Variants in CLVS1 observed in about 807,000 individuals in gnomAD.
The protein encoded by CLVS1 is clavesin 1.
In CLVS1, 10 loss-of-function variants were observed where a neutral mutation model predicts 33.1. The observed-to-expected ratio is 0.30, with a 90% CI of 0.19 to 0.51. The LOEUF (loss-of-function observed/expected upper bound fraction) is 0.51, where lower values mean the gene tolerates loss of function less well. CLVS1 is among the 20% of genes least tolerant of loss of function. The pLI is 0.97. For missense variants in CLVS1, 343 were observed against 433.4 expected (o/e 0.79, Z 1.85); for synonymous variants, 163 against 166.1 (o/e 0.98, Z 0.14).
intron 1 of CLVS1, among the ~76,000 whole-genome samples, chr8:61,114,051 C>T (rs532115333): frequency 2.6e-5 from 4 of 152,364 alleles, no homozygotes; most frequent in East Asian, 1.9e-4. Flanking sequence ...CTTGCAAAAG[C>T]AACCACAGAT....
intron 2 of CLVS1, among the ~76,000 whole-genome samples, chr8:61,207,977 T>C (rs1807890977): frequency 6.6e-6 from 1 of 152,222 alleles, no homozygotes; most frequent in African/African-American, 2.4e-5. Context: ...TACACCCTGA[T>C]TATTGCAGGT....
At chr8:61,292,138 TCAC>T in intron 1 of CLVS1, 6 of 288,324 alleles carry the variant, frequency 2.1e-5, no homozygotes, top group Non-Finnish European at 3.5e-5. Context: ...TTTAATATTC[TCAC>T]TTTTACGTCT....
upstream of CLVS1, among the ~76,000 whole-genome samples, chr8:61,284,091 T>C (rs551136788): frequency 1.3e-5 from 2 of 152,316 alleles, no homozygotes; most frequent in African/African-American, 4.8e-5. Flanking sequence ...CTGAAGGACA[T>C]TATGTTAAGT....
chr8:61,383,897 G>A (rs1012093821), intron 3 of CLVS1, among the ~76,000 whole-genome samples: 5 of 152,214 alleles, frequency 3.3e-5, no homozygotes, highest in African/African-American at 1.2e-4. Flanking sequence ...AACAGATGCA[G>A]TTCCTCTTCT....
At chr8:61,312,986 C>T (rs187696878) in intron 2 of CLVS1, among the ~76,000 whole-genome samples, 112 of 152,336 alleles carry the variant, frequency 7.4e-4, no homozygotes, top group Non-Finnish European at 1.3e-3. Flanking sequence ...TTCAGCATTA[C>T]TTTCCTTATC....
At chr8:61,143,812 A>G (rs1432119730) in intron 2 of CLVS1, among the ~76,000 whole-genome samples, 1 of 147,668 alleles carries the variant, frequency 6.8e-6, no homozygotes, top group East Asian at 1.9e-4. Flanking sequence ...CTCATATTTA[A>G]ATTCACATAT....
intron 5 of CLVS1, among the ~76,000 whole-genome samples, chr8:61,461,882 G>A (rs904026429): frequency 7.1e-5 from 10 of 140,964 alleles, no homozygotes; most frequent in African/African-American, 2.5e-4. Context: ...TGCTTGATAT[G>A]ACCAGACTTT....
intron 1 of CLVS1, among the ~76,000 whole-genome samples, chr8:61,125,427 A>C (rs1295792128): frequency 6.6e-6 from 1 of 152,158 alleles, no homozygotes; most frequent in Non-Finnish European, 1.5e-5. Flanking sequence ...AACTAAAACA[A>C]AAACTAAAAA....
At chr8:61,325,221 CAT>C (rs898386400) in intron 2 of CLVS1, among the ~76,000 whole-genome samples, 4 of 151,922 alleles carry the variant, frequency 2.6e-5, no homozygotes, top group Admixed American at 6.6e-5. Flanking sequence ...CACACACACA[CAT>C]ACACACACAC....
intron 2 of CLVS1, among the ~76,000 whole-genome samples, chr8:61,170,334 C>T (rs1344944325): frequency 6.6e-6 from 1 of 152,134 alleles, no homozygotes; most frequent in African/African-American, 2.4e-5. Context: ...CTTTCTCCCC[C>T]TCTCTTTCCG....
chr8:61,150,664 C>A (rs928080528), intron 2 of CLVS1, among the ~76,000 whole-genome samples: 4 of 152,148 alleles, frequency 2.6e-5, no homozygotes, highest in Non-Finnish European at 5.9e-5. Flanking sequence ...TCAAGGAATC[C>A]CAGCTGGTGT....
the CLVS1 span, among the ~76,000 whole-genome samples, chr8:61,042,954 G>T: frequency 6.6e-6 from 1 of 152,164 alleles, no homozygotes; most frequent in African/African-American, 2.4e-5. Context: ...GCACATATGG[G>T]TGTTTACTTG....
chr8:61,247,925 C>A (rs1229829268), intron 2 of CLVS1, among the ~76,000 whole-genome samples: 1 of 152,076 alleles, frequency 6.6e-6, no homozygotes, highest in Non-Finnish European at 1.5e-5. Flanking sequence ...GGGTTTTACA[C>A]TGAAGTCTTT....
Position 61,202,973 on chromosome 8 carries a change from A to G in CLVS1, c.-152+71113A>G. 4 of 1,463,882 alleles carry G rather than the reference A, an allele frequency of 2.7e-6. No homozygotes were observed. In the South Asian group the frequency reaches 4.5e-5, roughly 17 times the overall value. 90.7% of individuals were successfully genotyped at this position (1,463,882 alleles called of 1,614,324 possible). A position where few individuals can be genotyped will look rare whatever the true frequency, so the allele number is the denominator to read the frequency against. ...AAAAATGCACAAAAGTCAAATCAGA[A>G]TGGAAAAGACTCAAAACCATCAACA... On this transcript the variant is annotated intron_variant, in intron 2 of 2. Coordinates refer to the CLVS1 transcript ENST00000522621.
intron 5 of CLVS1, among the ~76,000 whole-genome samples, chr8:61,484,254 A>G (rs1803780982): frequency 6.6e-6 from 1 of 152,256 alleles, no homozygotes; most frequent in African/African-American, 2.4e-5. Flanking sequence ...GTCTCAGGAT[A>G]CAAAATCAAC....
the CLVS1 span, among the ~76,000 whole-genome samples, chr8:60,990,812 G>C: frequency 1.3e-5 from 2 of 151,346 alleles, no homozygotes; most frequent in Non-Finnish European, 2.9e-5. Flanking sequence ...GGTTTCAAGC[G>C]ATTCTCCTGT....
chr8:60,985,936 A>C, the CLVS1 span, among the ~76,000 whole-genome samples: 7 of 152,190 alleles, frequency 4.6e-5, no homozygotes, highest in Non-Finnish European at 7.4e-5. Context: ...AAGAGTATTG[A>C]ACTGTCGACA....
chr8:61,389,270 T>G (rs1481763478), intron 3 of CLVS1, among the ~76,000 whole-genome samples: 2 of 152,206 alleles, frequency 1.3e-5, no homozygotes, highest in African/African-American at 4.8e-5. Context: ...CCAAGTGCAG[T>G]GGCTCACACC....
At chr8:61,408,376 T>A (rs1210100411) in intron 3 of CLVS1, among the ~76,000 whole-genome samples, 1 of 152,162 alleles carries the variant, frequency 6.6e-6, no homozygotes, top group Non-Finnish European at 1.5e-5. Context: ...AGAAAAATAG[T>A]TAAAAGAGAT....
Sources: allele counts gnomAD v4.1 joint callset (sites outside exome capture counted in the v4.1 genomes callset), GRCh38; gene constraint gnomAD v4.1.1; transcripts MANE v1.5; gene names NCBI Gene and HGNC (gene_info 2026-07-23, HGNC 2026-07-21).